The following NCKAP5 variants were observed in gnomAD, a reference collection of about 807,000 sequenced individuals.
The protein encoded by NCKAP5 is nck-associated protein 5.
In NCKAP5, 92 loss-of-function variants were observed where a neutral mutation model predicts 167.0. The observed-to-expected ratio is 0.55, with a 90% CI of 0.47 to 0.66. The LOEUF (loss-of-function observed/expected upper bound fraction) is 0.66. Ranked by LOEUF, NCKAP5 falls within the 30% of genes least tolerant of loss-of-function variation. NCKAP5 has a pLI of 0.00. For missense variants in NCKAP5, 2,378 were observed against 2,315.0 expected, an observed-to-expected ratio of 1.03 and a Z score of -0.56; for synonymous variants, 891 against 877.4, an observed-to-expected ratio of 1.02 and a Z score of -0.27.
chr2:133,043,734 AT>A (rs1292606216), intron 6 of NCKAP5, among the ~76,000 whole-genome samples: 1 of 152,190 alleles, frequency 6.6e-6, no homozygotes, highest in African/African-American at 2.4e-5. Flanking sequence ...TAAGTACGTA[AT>A]AAATGCTTGT....
chr2:132,911,178 A>G (rs1252457966), intron 8 of NCKAP5: 1 of 204,422 alleles, frequency 4.9e-6, no homozygotes. Flanking sequence ...ACTGCACATG[A>G]TTCATGGATC....
intron 4 of NCKAP5, among the ~76,000 whole-genome samples, chr2:133,225,832 G>C (rs544046326): frequency 1.4e-5 from 2 of 139,888 alleles, no homozygotes; most frequent in Non-Finnish European, 3.0e-5. Flanking sequence ...CACCAGGCTG[G>C]AGTTCAGTGG....
chr2:133,258,439 T>C (rs2088730777), intron 4 of NCKAP5, among the ~76,000 whole-genome samples: 1 of 152,122 alleles, frequency 6.6e-6, no homozygotes, highest in African/African-American at 2.4e-5. Context: ...CACAATATGT[T>C]CCCTTAAGAA....
At chr2:132,931,387 T>A (rs150555120) in intron 8 of NCKAP5, 1 of 152,240 alleles carries the variant, frequency 6.6e-6, no homozygotes, top group African/African-American at 2.4e-5. Flanking sequence ...CCTTTTTTTT[T>A]CCCTTCTACC....
At chr2:133,160,697 C>T (rs904598173) in intron 5 of NCKAP5, among the ~76,000 whole-genome samples, 1 of 151,970 alleles carries the variant, frequency 6.6e-6, no homozygotes, top group East Asian at 1.9e-4. Flanking sequence ...ACAGACTGGC[C>T]CTTTTAGGTG....
intron 2 of NCKAP5, among the ~76,000 whole-genome samples, chr2:133,552,712 A>G (rs1575148470): frequency 1.4e-5 from 2 of 147,406 alleles, no homozygotes; most frequent in Admixed American, 1.4e-4. Flanking sequence ...AACCTGCACA[A>G]TGTGCACATG....
At chr2:133,185,562 C>T (rs1023799117) in intron 5 of NCKAP5, among the ~76,000 whole-genome samples, 1 of 151,800 alleles carries the variant, frequency 6.6e-6, no homozygotes, top group Non-Finnish European at 1.5e-5. Flanking sequence ...GGCAGTATGG[C>T]CAACTGTAAT....
intron 19 of NCKAP5, among the ~76,000 whole-genome samples, chr2:132,706,185 T>C (rs1162287461): frequency 1.3e-5 from 2 of 152,192 alleles, no homozygotes; most frequent in Non-Finnish European, 2.9e-5. Flanking sequence ...TCTCTGTCCT[T>C]TCCTCTGATA....
Position 132,973,289 on chromosome 2 carries a change from G to A in NCKAP5, c.430-9420C>T, listed in dbSNP as rs145882445. Among the ~76,000 whole-genome samples, 290 of 152,202 alleles carry A rather than the reference G, an allele frequency of 1.9e-3. 1 individual carries two copies. Among genetic ancestry groups the A allele is most frequent in the African/African-American group, 6.7e-3 (277 of 41,532 alleles). On this transcript the variant is annotated intron_variant, in intron 7 of 19. Coordinates refer to ENST00000409261, the MANE Select transcript of NCKAP5 (RefSeq NM_207363.3). ...TTCATTTGACAGTCAACCTTCTTGC[G>A]GATCATCAAGCACCGTCTCACTAGG...
intron 4 of NCKAP5, among the ~76,000 whole-genome samples, chr2:133,262,962 C>G (rs749201776): frequency 2.0e-5 from 3 of 152,174 alleles, no homozygotes; most frequent in Non-Finnish European, 2.9e-5. Context: ...TTAACTTTCC[C>G]TGCTCAAGTC....
chr2:133,210,757 A>G (rs1273702805), intron 5 of NCKAP5, among the ~76,000 whole-genome samples: 2 of 152,204 alleles, frequency 1.3e-5, no homozygotes, highest in African/African-American at 4.8e-5. Flanking sequence ...TTACTGAGGA[A>G]CAGGGAGAAA....
intron 8 of NCKAP5, among the ~76,000 whole-genome samples, chr2:132,920,194 G>A (rs1695204220): frequency 6.6e-6 from 1 of 151,938 alleles, no homozygotes; most frequent in Non-Finnish European, 1.5e-5. Flanking sequence ...AGTTTTGTGT[G>A]ATGTATCTAT....
chr2:133,413,296 C>T (rs2151066097), intron 3 of NCKAP5, among the ~76,000 whole-genome samples: 1 of 152,356 alleles, frequency 6.6e-6, no homozygotes, highest in South Asian at 2.1e-4. Flanking sequence ...TTAGCTTCAG[C>T]TGTTAGGACC....
the NCKAP5 span, among the ~76,000 whole-genome samples, chr2:133,606,563 C>T: frequency 6.6e-6 from 1 of 152,122 alleles, no homozygotes; most frequent in Non-Finnish European, 1.5e-5. Flanking sequence ...CTATGAAAAT[C>T]TCTAAAACAA....
At chr2:132,719,256 T>TA (rs985120221) in intron 19 of NCKAP5, among the ~76,000 whole-genome samples, 7 of 151,404 alleles carry the variant, frequency 4.6e-5, no homozygotes, top group East Asian at 1.9e-4. Flanking sequence ...TGATTGGATT[T>TA]AAAAAAAAAA....
intron 2 of NCKAP5, among the ~76,000 whole-genome samples, chr2:133,549,048 T>A (rs28863807): frequency 0.22 from 26,584 of 123,632 alleles, 2,684 homozygotes; most frequent in East Asian, 0.62. Context: ...ACCAAGCAAA[T>A]GGAAAACAAA....
At chr2:133,100,559 C>T (rs6732204) in intron 6 of NCKAP5, among the ~76,000 whole-genome samples, 7,727 of 152,154 alleles carry the variant, frequency 0.051, 638 homozygotes, top group African/African-American at 0.17. Flanking sequence ...CCTCTCACCA[C>T]ACTATGGGCA....
chr2:132,934,870 C>G (rs1317891414), intron 8 of NCKAP5, among the ~76,000 whole-genome samples: 6 of 152,186 alleles, frequency 3.9e-5, no homozygotes, highest in African/African-American at 1.2e-4. Flanking sequence ...CATTTCACCT[C>G]TTGTATGTGA....
intron 3 of NCKAP5, among the ~76,000 whole-genome samples, chr2:133,360,241 C>T (rs534172345): frequency 2.6e-5 from 4 of 152,202 alleles, no homozygotes; most frequent in African/African-American, 9.6e-5. Flanking sequence ...GTGATGAATT[C>T]GGCAGCTTGT....
Sources: gnomAD v4.1 joint callset for allele counts (sites outside exome capture counted in the v4.1 genomes callset) on GRCh38, gnomAD v4.1.1 for gene constraint, MANE v1.5 for transcripts, NCBI Gene and HGNC (gene_info 2026-07-23, HGNC 2026-07-21) for gene names.